Variants in SPEN observed in about 807,000 individuals in gnomAD.
The protein encoded by SPEN is spen family transcriptional repressor.
In SPEN, 18 loss-of-function variants were observed where a neutral mutation model predicts 269.9. The observed-to-expected ratio is 0.07, with a 90% CI of 0.05 to 0.10. The LOEUF (loss-of-function observed/expected upper bound fraction) is 0.10. Ranked by LOEUF, SPEN falls within the 10% of genes least tolerant of loss-of-function variation. The pLI is 1.00. For missense variants in SPEN, 3,822 were observed against 4,631.2 expected, an observed-to-expected ratio of 0.83 and a Z score of 5.07; for synonymous variants, 1,726 against 1,765.7, an observed-to-expected ratio of 0.98 and a Z score of 0.56.
At position 15,935,868 on chromosome 1, in the gene SPEN, C is replaced by T; in HGVS notation, c.9628C>T (p.Pro3210Ser). The T allele has an allele frequency of 6.2e-7, 1 of 1,613,620 alleles. No homozygotes were observed. The highest frequency in any genetic ancestry group is 2.2e-5 in the East Asian group (1 of 44,870). The change falls in exon 11 of 15, where the codon CCC becomes TCC. Residue 3210 changes from proline to serine, a missense_variant. By Grantham distance (74) the Pro-to-Ser change is moderately conservative. This residue lies in a region of SPEN where 359 missense variants were observed against 377.3 expected (regional missense o/e 0.95). Transcript: ENST00000375759. This position sits in a 1 kb window ranked among gnomAD's most constrained non-coding sequence, Gnocchi z 7.7. ...ACATGTGACGGCAGTCAGCGAGCAG[C>T]CCAGGGCCGCGGATGGGGTGGTGAA... ...HPHVTAVSEQPRAADGVVKVP... is the reference protein window; with the variant it reads ...HPHVTAVSEQSRAADGVVKVP...
In SPEN at chr1:15,939,445, A is replaced by ACAG; in HGVS notation, c.*19_*20insAGC. ...CCGTGTGAGCCACTGAGTGGTTATC[A>ACAG]CCTCAGTGAATCTTCCCAGGGCTCT... On this transcript the variant is annotated 3_prime_UTR_variant, in exon 15 of 15. Coordinates refer to ENST00000375759, the MANE Select transcript of SPEN (RefSeq NM_015001.3). The surrounding 1 kb of genome is among the most constrained non-coding windows in gnomAD (Gnocchi z 4.1). 1 of 1,560,796 alleles carries ACAG rather than the reference A, an allele frequency of 6.4e-7. No individual in the cohort carries two copies. The highest frequency in any genetic ancestry group is 8.7e-7 in the Non-Finnish European group (1 of 1,153,330).
intron 10 of SPEN, among the ~76,000 whole-genome samples, chr1:15,925,006 T>C (rs1426360667): frequency 6.6e-6 from 1 of 152,138 alleles, no homozygotes; most frequent in Non-Finnish European, 1.5e-5. Flanking sequence ...TCTCACTGAA[T>C]AGTTGATGCA....
Position 15,935,753 on chromosome 1 carries a change from C to T in SPEN, c.9513C>T (p.Ala3171=). ...ACCTTCCTGTCGCTCGAGCCACAGC[C>T]CCTGTGCAGTCAGAGGTACTAGTCA... is the stretch of plus-strand genomic sequence containing the variant. ...HYHLPVARAT[A]PVQSEVLVMQ... is the part of the protein sequence containing the mutation. The change falls in exon 11 of 15, where the codon GCC becomes GCT. Residue 3171 remains alanine, a synonymous_variant. Transcript: ENST00000375759. The surrounding 1 kb of genome is among the most constrained non-coding windows in gnomAD (Gnocchi z 7.7). 1 of 1,613,802 alleles carries T rather than the reference C, an allele frequency of 6.2e-7. No homozygotes were observed. The highest frequency in any genetic ancestry group is 8.5e-7 in the Non-Finnish European group (1 of 1,179,932).
At chr1:15,867,565 T>A (rs887756052) in intron 1 of SPEN, among the ~76,000 whole-genome samples, 1 of 152,158 alleles carries the variant, frequency 6.6e-6, no homozygotes, top group Non-Finnish European at 1.5e-5. Flanking sequence ...TTGGCTGTTA[T>A]GAAAAATGCT....
intron 3 of SPEN, among the ~76,000 whole-genome samples, chr1:15,885,448 G>A (rs1053806913): frequency 1.3e-5 from 2 of 152,194 alleles, no homozygotes; most frequent in African/African-American, 4.8e-5. Context: ...GGAAGTGTAC[G>A]TGGAGTTTCT....
intron 1 of SPEN, among the ~76,000 whole-genome samples, chr1:15,857,606 C>G (rs2070400214): frequency 6.6e-6 from 1 of 152,118 alleles, no homozygotes; most frequent in Non-Finnish European, 1.5e-5. Context: ...ATCTGCCTGC[C>G]TCAGCCTCCC....
chr1:15,932,268 C>G lies in SPEN; in HGVS notation c.6028C>G (p.Arg2010Gly). The G allele has an allele frequency of 6.2e-7, 1 of 1,608,962 alleles. No homozygotes were observed. The highest frequency in any genetic ancestry group is 8.5e-7 in the Non-Finnish European group (1 of 1,178,084). ...AAATGAACCGAAGGTGGATGCTACA[C>G]GTCCTGAGGCCACCACTGAGGTGGG... is the stretch of plus-strand genomic sequence containing the variant. Reference protein sequence around the residue: ...GKNEPKVDATRPEATTEVGPQ... With the variant: ...GKNEPKVDATGPEATTEVGPQ... The change falls in exon 11 of 15, where the codon CGT (arginine) becomes GGT (glycine). Residue 2010 changes from arginine (R) to glycine (G), a missense_variant. Arg to Gly is a moderately radical substitution (Grantham distance 125, BLOSUM62 -2). Coordinates refer to ENST00000375759, the MANE Select transcript of SPEN (RefSeq NM_015001.3). The surrounding 1 kb of genome is among the most constrained non-coding windows in gnomAD (Gnocchi z 4.2).
In SPEN at chr1:15,935,504, G is replaced by A. The variant is rs777436030; in HGVS notation, c.9264G>A (p.Val3088=). 3 of 1,614,012 alleles carry A rather than the reference G, an allele frequency of 1.9e-6. No homozygotes were observed. Among genetic ancestry groups the A allele is most frequent in the Non-Finnish European group, 2.5e-6 (3 of 1,180,008 alleles). ...CACCCCACAGCATCACCCAGACTGT[G>A]TCCCTGAGCCACCTCTCCCAGGGCG... ...IMPPHSITQT[V]SLSHLSQGEV... is the part of the protein sequence containing the mutation. Residue 3088 remains valine, a synonymous_variant, in exon 11 of 15, where the codon GTG becomes GTA. Transcript: ENST00000375759. The surrounding 1 kb of genome is among the most constrained non-coding windows in gnomAD (Gnocchi z 7.7).
intron 3 of SPEN, among the ~76,000 whole-genome samples, chr1:15,887,409 T>C (rs1452324823): frequency 6.7e-6 from 1 of 150,048 alleles, no homozygotes; most frequent in Non-Finnish European, 1.5e-5. Context: ...GTCTCCCGAG[T>C]AGCTTGGGAC....
chr1:15,933,004 C>T lies in SPEN; in HGVS notation c.6764C>T (p.Ala2255Val), dbSNP rs1438253970. 12 of 1,614,038 alleles carry T rather than the reference C, an allele frequency of 7.4e-6. No individual in the cohort carries two copies. The highest frequency in any genetic ancestry group is 2.7e-5 in the African/African-American group (2 of 74,914). The change falls in exon 11 of 15, where the codon GCG becomes GTG. Residue 2255 changes from alanine to valine, a missense_variant. By Grantham distance (64) the Ala-to-Val change is moderately conservative. Transcript: ENST00000375759. This position sits in a 1 kb window ranked among gnomAD's most constrained non-coding sequence, Gnocchi z 5.7. ...CTGCAACCCCCCGCAGGTGCACAGG[C>T]GCTGCAGCCTTCTGAGGAAGGAATG... ...TDLQPPAGAQ[A>V]LQPSEEGMET...
intron 5 of SPEN, 124 bp downstream of exon 5, chr1:15,911,425 T>A: frequency 1.4e-6 from 1 of 725,282 alleles, no homozygotes; most frequent in Non-Finnish European, 2.3e-6. Context: ...TTGACATATT[T>A]CCATTGTCTT....
At chr1:15,850,150 A>T (rs1254927514) in intron 1 of SPEN, among the ~76,000 whole-genome samples, 1 of 152,098 alleles carries the variant, frequency 6.6e-6, no homozygotes. Flanking sequence ...GACCCACTTT[A>T]TGTGGGAATC....
In SPEN at chr1:15,876,305, T is replaced by C. The variant is rs770528530; in HGVS notation, c.508T>C (p.Tyr170His). The change falls in exon 3 of 15, where the codon TAT (tyrosine) becomes CAT (histidine). Residue 170 changes from tyrosine (Y) to histidine (H), a missense_variant. Transcript: ENST00000375759. ...DRTRHYDQDY[Y>H]RDPRERTLQH... is the part of the protein sequence containing the mutation. ...GACAAGACATTACGATCAGGATTAC[T>C]ATAGAGATCCTCGAGAGCGGACTTT... 1.2e-6 allele frequency: 2 copies of C among 1,613,872 alleles called. No individual in the cohort carries two copies. The highest frequency in any genetic ancestry group is 2.2e-5 in the East Asian group (1 of 44,892).
chr1:15,867,712 C>CTT (rs796378051), intron 1 of SPEN, among the ~76,000 whole-genome samples: 126 of 138,030 alleles, frequency 9.1e-4, no homozygotes, highest in African/African-American at 3.3e-3. Context: ...TTGTCATTGC[C>CTT]TTTTTTTTTT....
rs145865972 is a variant in SPEN, at chr1:15,925,252, C to T, written c.1851-2839C>T. Among the ~76,000 whole-genome samples the T allele has an allele frequency of 6.4e-3, 982 of 152,282 alleles. 8 individuals are homozygous for T. The highest frequency in any genetic ancestry group is 0.02 in the Middle Eastern group (6 of 294). ...CTAGTGCATTGAGCTTACCCTTTAC[C>T]GGAGTGGTTCTCGAGATGAATTTAC... On this transcript the variant is annotated intron_variant, in intron 10 of 14. Transcript: ENST00000375759.
intron 3 of SPEN, among the ~76,000 whole-genome samples, chr1:15,903,225 C>G (rs2070920163): frequency 6.6e-6 from 1 of 152,114 alleles, no homozygotes; most frequent in African/African-American, 2.4e-5. Flanking sequence ...ATCCTAGCAT[C>G]CTATATTCTG....
rs1235456987 is a variant in SPEN, at chr1:15,847,896, G to A, written c.-172G>A. The A allele has an allele frequency of 3.3e-6, 1 of 301,498 alleles. No individual in the cohort carries two copies. Among genetic ancestry groups the A allele is most frequent in the Non-Finnish European group, 6.2e-6 (1 of 161,214 alleles). The allele number at this position is 301,498 out of a possible 1,614,324, so 18.7% of individuals were successfully genotyped here. A position where few individuals can be genotyped will look rare whatever the true frequency, so the allele number is the denominator to read the frequency against. ...CGAGGCCCGAGAGTCAGAACCTGGG[G>A]GAGAGGGATGGTCTCTGCACGGGGG... On this transcript the variant is annotated 5_prime_UTR_variant, in exon 1 of 15. Coordinates refer to ENST00000375759, the MANE Select transcript of SPEN (RefSeq NM_015001.3).
chr1:15,932,760 G>A lies in SPEN; in HGVS notation c.6520G>A (p.Ala2174Thr). 6.2e-7 allele frequency: 1 copy of A among 1,614,200 alleles called. No individual in the cohort carries two copies. The highest frequency in any genetic ancestry group is 8.5e-7 in the Non-Finnish European group (1 of 1,180,034). ...AGCCAAGCAGATGGAGCTGGAGCAG[G>A]CCGTGGAACACATCGCAAAGCTCGC... Reference protein sequence around the residue: ...QLAKQMELEQAVEHIAKLAEA... With the variant: ...QLAKQMELEQTVEHIAKLAEA... Residue 2174 changes from alanine to threonine, a missense_variant, in exon 11 of 15, where the codon GCC (alanine) becomes ACC (threonine). Transcript: ENST00000375759. This position sits in a 1 kb window ranked among gnomAD's most constrained non-coding sequence, Gnocchi z 4.2.
intron 1 of SPEN, among the ~76,000 whole-genome samples, chr1:15,865,343 A>G (rs1403627405): frequency 6.7e-6 from 1 of 148,644 alleles, no homozygotes; most frequent in African/African-American, 2.5e-5. Context: ...GTGAGCCACC[A>G]CGCCTGGCGA....
Sources: gnomAD v4.1 joint callset for allele counts (sites outside exome capture counted in the v4.1 genomes callset) on GRCh38, gnomAD v4.1.1 for gene constraint, gnomAD v4.1.1 regional missense constraint, Gnocchi (gnomAD v3.1) non-coding constraint, MANE v1.5 for transcripts, NCBI Gene and HGNC (gene_info 2026-07-23, HGNC 2026-07-21) for gene names.